Variants in CLASP1 observed in about 807,000 individuals in gnomAD.
The protein encoded by CLASP1 is CLIP-associating protein 1.
CLASP1 carries 38 observed loss-of-function variants against 192.3 expected under a neutral mutation model. That is an observed-to-expected ratio of 0.20 (90% CI 0.15 to 0.26). The LOEUF (loss-of-function observed/expected upper bound fraction) is 0.26. Among genes scored for constraint, CLASP1 ranks in the 10% least tolerant of loss-of-function variants. The probability of loss-of-function intolerance (pLI) is 1.00; values close to 1 mark genes in which losing one functional copy is unlikely to be tolerated. For synonymous variants in CLASP1, 691 were observed against 712.8 expected (o/e 0.97, Z 0.49); for missense variants, 1,433 against 1,932.5 (o/e 0.74, Z 4.85).
intron 35 of CLASP1, 59 bp from the exon 37 acceptor site, chr2:121,365,343 G>A: frequency 6.9e-7 from 1 of 1,457,412 alleles, no homozygotes; most frequent in Non-Finnish European, 9.4e-7. Flanking sequence ...ACAGGGGCTT[G>A]CTCAGTGGTG....
At chr2:121,462,694 T>TG in intron 9 of CLASP1, 89 bp from the exon 10 acceptor site, 1 of 755,008 alleles carries the variant, frequency 1.3e-6, no homozygotes, top group Non-Finnish European at 2.2e-6. Flanking sequence ...ACAATCAAAA[T>TG]TACATTTTGG....
rs544545091 is a variant in CLASP1 at position 121,537,825 on chromosome 2, T to A, written c.196-7500A>T. On this transcript the variant is annotated intron_variant, in intron 2 of 39. Transcript: ENST00000263710. ...AAATCATTCCATGTAACTTGCCATATTAATAACATGATTTTCCCCTTTATT... is the reference window on the plus strand; with the variant it reads ...AAATCATTCCATGTAACTTGCCATAATAATAACATGATTTTCCCCTTTATT... Among the ~76,000 whole-genome samples, 194 of 152,334 alleles carry A rather than the reference T, an allele frequency of 1.3e-3. 1 individual carries two copies. The highest frequency in any genetic ancestry group is 1.7e-3 in the Admixed American group (26 of 15,302).
chr2:121,600,299 G>A (rs1250509648), intron 2 of CLASP1, among the ~76,000 whole-genome samples: 1 of 152,112 alleles, frequency 6.6e-6, no homozygotes, highest in African/African-American at 2.4e-5. Flanking sequence ...GCCCTTGAGT[G>A]CAAAAACCAC....
At chr2:121,454,790 C>T (rs533454987) in intron 14 of CLASP1, among the ~76,000 whole-genome samples, 5 of 152,236 alleles carry the variant, frequency 3.3e-5, no homozygotes, top group Middle Eastern at 6.8e-3. Flanking sequence ...TTGCCTTACG[C>T]AAGGAAAAAC....
chr2:121,424,655 T>C (rs888744896), intron 22 of CLASP1, among the ~76,000 whole-genome samples: 5 of 152,242 alleles, frequency 3.3e-5, no homozygotes, highest in African/African-American at 1.2e-4. Context: ...CTAGCTTTCA[T>C]GCTTAAACAA....
intron 22 of CLASP1, among the ~76,000 whole-genome samples, chr2:121,424,128 A>T (rs72967380): frequency 0.04 from 6,057 of 152,098 alleles, 163 homozygotes; most frequent in East Asian, 0.14. Flanking sequence ...CCTAGCAAGA[A>T]ATCTGGGGTG....
At chr2:121,451,256 T>TA (rs986768821) in intron 15 of CLASP1, among the ~76,000 whole-genome samples, 12 of 152,342 alleles carry the variant, frequency 7.9e-5, no homozygotes, top group African/African-American at 2.9e-4. Context: ...GGATTTTTTT[T>TA]AAAAAACACA....
intron 2 of CLASP1, among the ~76,000 whole-genome samples, chr2:121,585,024 C>A (rs999931954): frequency 2.6e-5 from 4 of 152,216 alleles, no homozygotes; most frequent in African/African-American, 9.7e-5. Flanking sequence ...ACTTTCTACA[C>A]ATGAACTCTT....
chr2:121,644,674 T>C (rs1308370715), intron 1 of CLASP1, among the ~76,000 whole-genome samples: 1 of 150,964 alleles, frequency 6.6e-6, no homozygotes, highest in African/African-American at 2.4e-5. Context: ...TGTAGGGGAA[T>C]AGTTGGGCCA....
At chr2:121,632,787 T>C (rs1277868695) in intron 1 of CLASP1, among the ~76,000 whole-genome samples, 1 of 151,114 alleles carries the variant, frequency 6.6e-6, no homozygotes, top group Non-Finnish European at 1.5e-5. Flanking sequence ...TCCTAGCTAC[T>C]AGGGAGACTG....
chr2:121,411,912 C>T (rs1041365347), intron 23 of CLASP1, among the ~76,000 whole-genome samples: 17 of 152,076 alleles, frequency 1.1e-4, no homozygotes, highest in African/African-American at 4.1e-4. Context: ...GTATAAAAAC[C>T]TTTGGAAGAA....
chr2:121,351,557 G>T (rs1275101735), intron 37 of CLASP1, among the ~76,000 whole-genome samples: 1 of 152,174 alleles, frequency 6.6e-6, no homozygotes, highest in Non-Finnish European at 1.5e-5. Context: ...CTTGTTGGAG[G>T]TCTTTTGTAC....
At position 121,397,564 on chromosome 2, in the gene CLASP1, C is replaced by A. The variant is rs183552999; in HGVS notation, c.2980-281G>T. The stretch of plus-strand genomic sequence containing the variant: ...TCCTCATCTATGCTGCAAGACACTT[C>A]CAGGGCAGGAGCCCTTGAGAGGGGC... On this transcript the variant is annotated intron_variant, in intron 29 of 39. Coordinates refer to ENST00000263710, the Ensembl canonical transcript of CLASP1. Among the ~76,000 whole-genome samples the A allele has an allele frequency of 4.6e-3, 701 of 152,310 alleles. 2 individuals carry two copies. The highest frequency in any genetic ancestry group is 0.016 in the African/African-American group (679 of 41,564).
At chr2:121,435,405 GC>G (rs1361965802) in intron 19 of CLASP1, among the ~76,000 whole-genome samples, 1 of 152,124 alleles carries the variant, frequency 6.6e-6, no homozygotes, top group African/African-American at 2.4e-5. Flanking sequence ...CTCCCGAGTA[GC>G]TGGGAATACA....
intron 19 of CLASP1, among the ~76,000 whole-genome samples, chr2:121,441,308 C>T (rs1401084571): frequency 1.3e-5 from 2 of 152,058 alleles, no homozygotes; most frequent in Admixed American, 6.6e-5. Context: ...ATCTGCTGTA[C>T]GTTTCACTGC....
At chr2:121,639,731 C>T (rs1042676935) in intron 1 of CLASP1, among the ~76,000 whole-genome samples, 2 of 151,488 alleles carry the variant, frequency 1.3e-5, no homozygotes, top group African/African-American at 4.9e-5. Context: ...GGCATGGTGG[C>T]GCATGCCTGT....
At chr2:121,366,973 G>A (rs1242109092) in intron 35 of CLASP1, among the ~76,000 whole-genome samples, 1 of 152,174 alleles carries the variant, frequency 6.6e-6, no homozygotes, top group Non-Finnish European at 1.5e-5. Context: ...ATATGCTTAC[G>A]TTACATTTTG....
chr2:121,500,373 AAAG>A lies in CLASP1; in HGVS notation c.712+2791_712+2793del, dbSNP rs1409392648. Among the ~76,000 whole-genome samples, 121 of 135,594 alleles carry A rather than the reference AAAG, an allele frequency of 8.9e-4. 1 individual carries two copies. The highest frequency in any genetic ancestry group is 4.0e-3 in the African/African-American group (110 of 27,412). 89.0% of individuals were successfully genotyped at this position (135,594 alleles called of 152,430 possible). On this transcript the variant is annotated intron_variant, in intron 8 of 39. Transcript: ENST00000263710. ...GAAAGAAAGAAAGAAAGAAAGAAAG[AAAG>A]AAAGAAAGAAAGAAAGAAAGAAAAG... is the stretch of plus-strand genomic sequence containing the variant.
At position 121,525,843 on chromosome 2, in the gene CLASP1, A is replaced by T; in HGVS notation, c.546+2T>A. 1 of 1,609,730 alleles carries T rather than the reference A, an allele frequency of 6.2e-7. No homozygotes were observed. The highest frequency in any genetic ancestry group is 8.5e-7 in the Non-Finnish European group (1 of 1,176,496). ...CTCCCGAGGGTTTTCCTTCTCACTCACCTGGCTGTTTGGATCTCCAAGTAA... is the reference window on the plus strand; with the variant it reads ...CTCCCGAGGGTTTTCCTTCTCACTCTCCTGGCTGTTTGGATCTCCAAGTAA... On this transcript the variant is annotated splice_donor_variant, in intron 6 of 39. Transcript: ENST00000263710. LOFTEE classifies it high-confidence loss of function.
Sources: allele counts gnomAD v4.1 joint callset (sites outside exome capture counted in the v4.1 genomes callset), GRCh38; gene constraint gnomAD v4.1.1; transcripts MANE v1.5; gene names NCBI Gene and HGNC (gene_info 2026-07-23, HGNC 2026-07-21).